Variants in SLC45A4 observed in about 807,000 individuals in gnomAD.
The protein encoded by SLC45A4 is solute carrier family 45 member 4.
Under a neutral mutation model 63.7 loss-of-function variants are expected in SLC45A4, and 32 were observed. The ratio of observed to expected loss-of-function variants is 0.50; its 90% CI spans 0.38 to 0.67. The LOEUF (loss-of-function observed/expected upper bound fraction) is 0.67. Among genes scored for constraint, SLC45A4 ranks in the 30% least tolerant of loss-of-function variants. SLC45A4 has a pLI of 0.00. For synonymous variants in SLC45A4, 535 were observed against 510.0 expected (o/e 1.05, Z -0.66); for missense variants, 1,027 against 1,157.7 (o/e 0.89, Z 1.64).
At chr8:141,266,472 C>T (rs369630895) in intron 1 of SLC45A4, among the ~76,000 whole-genome samples, 19 of 152,254 alleles carry the variant, frequency 1.2e-4, no homozygotes, top group African/African-American at 3.1e-4. Context: ...CAGTCACGGC[C>T]GGCACGTGTC....
chr8:141,306,334 A>G lies in SLC45A4; in HGVS notation c.-401+1762T>C, dbSNP rs575998612. ...CACTGCCACAAAAACAATTAGCCTGAACGGGTGTGAAATCCTTGATGTGTA... is the reference window on the plus strand; with the variant it reads ...CACTGCCACAAAAACAATTAGCCTGGACGGGTGTGAAATCCTTGATGTGTA... On this transcript the variant is annotated intron_variant, in intron 1 of 8. Coordinates refer to ENST00000517878, the MANE Select transcript of SLC45A4 (RefSeq NM_001286646.2). 9.2e-5 allele frequency among the ~76,000 whole-genome samples: 14 copies of G among 152,338 alleles called. No individual in the cohort carries two copies. In the South Asian group the frequency reaches 2.9e-3, roughly 32 times the overall value.
At chr8:141,280,112 C>T (rs950244076) in intron 1 of SLC45A4, among the ~76,000 whole-genome samples, 2 of 152,220 alleles carry the variant, frequency 1.3e-5, no homozygotes, top group African/African-American at 4.8e-5. Flanking sequence ...CCACGCTGGC[C>T]CCTCACCCCG....
At chr8:141,277,709 G>A (rs1056704987) in intron 1 of SLC45A4, among the ~76,000 whole-genome samples, 1 of 151,560 alleles carries the variant, frequency 6.6e-6, no homozygotes, top group South Asian at 2.1e-4. Context: ...GGGCGATCTC[G>A]GCTCACTGCA....
chr8:141,299,874 C>T (rs1048777418), intron 1 of SLC45A4, among the ~76,000 whole-genome samples: 1 of 152,180 alleles, frequency 6.6e-6, no homozygotes, highest in Non-Finnish European at 1.5e-5. Flanking sequence ...GGATTTGCTG[C>T]TTTGGAGAAG....
intron 1 of SLC45A4, among the ~76,000 whole-genome samples, chr8:141,290,251 G>C: frequency 6.6e-6 from 1 of 151,858 alleles, no homozygotes; most frequent in South Asian, 2.1e-4. Context: ...CTCACCACAC[G>C]TGCAGGTATC....
rs77163264 is a variant in SLC45A4, at chr8:141,249,585, G to A, written c.241+4404C>T. Among the ~76,000 whole-genome samples, 315 of 152,292 alleles carry A rather than the reference G, an allele frequency of 2.1e-3. 2 individuals carry two copies. The highest frequency in any genetic ancestry group is 7.4e-3 in the African/African-American group (306 of 41,544). Reference sequence around the variant, plus strand: ...GGGCTGATGTGGGGGGCATTTGGGAGCACTGGGGTGATGAAAATATTCTAG... The same window carrying A: ...GGGCTGATGTGGGGGGCATTTGGGAACACTGGGGTGATGAAAATATTCTAG... On this transcript the variant is annotated intron_variant, in intron 2 of 8. Transcript: ENST00000517878.
At chr8:141,289,266 G>A (rs745338816) in intron 1 of SLC45A4, among the ~76,000 whole-genome samples, 1 of 152,146 alleles carries the variant, frequency 6.6e-6, no homozygotes, top group Admixed American at 6.5e-5. Flanking sequence ...TGGGAGACTC[G>A]GAGCCAACAG....
In SLC45A4 at chr8:141,254,654, C is replaced by A; in HGVS notation, c.-400-25G>T. ...TCTGCAAAAGAGGAAAACAACCCGG[C>A]CAGAGAGTCAGGGGACGGCCACCAG... is the stretch of plus-strand genomic sequence containing the variant. On this transcript the variant is annotated intron_variant, in intron 1 of 8. Transcript: ENST00000517878. This position sits in a 1 kb window ranked among gnomAD's most constrained non-coding sequence, Gnocchi z 4.5. 1.4e-6 allele frequency: 1 copy of A among 697,120 alleles called. No homozygotes were observed. The highest frequency in any genetic ancestry group is 2.6e-6 in the Non-Finnish European group (1 of 381,962). The allele number at this position is 697,120 out of a possible 1,614,324, so 43.2% of individuals were successfully genotyped here. A position where few individuals can be genotyped will look rare whatever the true frequency, so the allele number is the denominator to read the frequency against.
chr8:141,228,152 A>T, intron 2 of SLC45A4: 1 of 1,613,820 alleles, frequency 6.2e-7, no homozygotes, highest in Non-Finnish European at 8.5e-7. Flanking sequence ...GGGTGGAGGC[A>T]GCAGTTTTGA....
chr8:141,264,093 C>T (rs974110618), intron 1 of SLC45A4, among the ~76,000 whole-genome samples: 11 of 152,198 alleles, frequency 7.2e-5, no homozygotes, highest in Admixed American at 3.3e-4. Context: ...AATTCTGATA[C>T]GTTTAAGAAC....
At chr8:141,246,425 CT>C in intron 2 of SLC45A4, among the ~76,000 whole-genome samples, 1 of 152,088 alleles carries the variant, frequency 6.6e-6, no homozygotes, top group Non-Finnish European at 1.5e-5. Flanking sequence ...GGGGTGTTGG[CT>C]GAGGCCTCCT....
intron 1 of SLC45A4, among the ~76,000 whole-genome samples, chr8:141,258,152 T>A (rs1828887329): frequency 6.6e-6 from 1 of 151,314 alleles, no homozygotes; most frequent in South Asian, 2.1e-4. Context: ...AGCTCTGCGC[T>A]GGATCTGCCC....
At chr8:141,270,379 A>T (rs1589836271) in intron 1 of SLC45A4, among the ~76,000 whole-genome samples, 1 of 13,480 alleles carries the variant, frequency 7.4e-5, no homozygotes, top group Non-Finnish European at 1.2e-4. Context: ...TAAATACATT[A>T]AAAAAAAAAA....
intron 2 of SLC45A4, among the ~76,000 whole-genome samples, chr8:141,231,160 G>A (rs1827328078): frequency 6.6e-6 from 1 of 152,240 alleles, no homozygotes; most frequent in African/African-American, 2.4e-5. Flanking sequence ...GGACCTGGCA[G>A]GTCCCAGGAT....
intron 1 of SLC45A4, among the ~76,000 whole-genome samples, chr8:141,286,387 GT>G (rs1175222846): frequency 6.6e-6 from 1 of 152,170 alleles, no homozygotes; most frequent in East Asian, 1.9e-4. Flanking sequence ...CACATGCGCG[GT>G]TGTTACAAGC....
intron 1 of SLC45A4, among the ~76,000 whole-genome samples, chr8:141,297,272 G>A (rs57670585): frequency 0.034 from 5,125 of 151,906 alleles, 312 homozygotes; most frequent in African/African-American, 0.12. Context: ...GCGGGCACCC[G>A]GTGGGCGCCG....
At chr8:141,233,082 T>C (rs1250399556) in intron 2 of SLC45A4, among the ~76,000 whole-genome samples, 1 of 152,242 alleles carries the variant, frequency 6.6e-6, no homozygotes, top group Admixed American at 6.5e-5. Flanking sequence ...TAAGTGCGCG[T>C]TAACTTTGCT....
intron 8 of SLC45A4, 120 bp downstream of exon 8, chr8:141,212,077 C>T (rs553368495): frequency 3.1e-5 from 44 of 1,410,338 alleles, no homozygotes; most frequent in Middle Eastern, 2.6e-4. Flanking sequence ...ACTGCCGGGT[C>T]GGCCACAGCA....
chr8:141,219,834 G>A lies in SLC45A4; in HGVS notation c.431-5C>T, dbSNP rs368011804. On this transcript the variant is annotated splice_polypyrimidine_tract_variant and splice_region_variant and intron_variant, in intron 3 of 8. Coordinates refer to ENST00000517878, the MANE Select transcript of SLC45A4 (RefSeq NM_001286646.2). Reference sequence around the variant, plus strand: ...GGACATCGCCGAGGGCCAGACCTGCGCAGAGCACACGGGAGGGCGGTCAGG... The same window carrying A: ...GGACATCGCCGAGGGCCAGACCTGCACAGAGCACACGGGAGGGCGGTCAGG... The A allele has an allele frequency of 2.2e-4, 342 of 1,571,652 alleles. No individual in the cohort carries two copies. The highest frequency in any genetic ancestry group is 1.8e-3 in the Middle Eastern group (10 of 5,694).
Sources: allele counts gnomAD v4.1 joint callset (sites outside exome capture counted in the v4.1 genomes callset), GRCh38; gene constraint gnomAD v4.1.1; non-coding constraint Gnocchi (gnomAD v3.1); transcripts MANE v1.5; gene names NCBI Gene and HGNC (gene_info 2026-07-23, HGNC 2026-07-21).